TMEM87A: variants seen among roughly 807,000 people sequenced by gnomAD.
TMEM87A encodes the protein Golgi-pH regulating cation channel.
A neutral mutation model predicts 90.0 loss-of-function variants in TMEM87A; 50 were observed. That is an observed-to-expected ratio of 0.56 (90% CI 0.44 to 0.70). The LOEUF is 0.70. Among genes scored for constraint, TMEM87A ranks in the 30% least tolerant of loss-of-function variants. The pLI is 0.00. For missense variants in TMEM87A, 577 were observed against 660.5 expected, an observed-to-expected ratio of 0.87 and a Z score of 1.39; for synonymous variants, 226 against 226.7, an observed-to-expected ratio of 1.00 and a Z score of 0.03.
chr15:42,264,699 A>ATATATATATATATATATATTTT (rs10681614), intron 3 of TMEM87A, among the ~76,000 whole-genome samples: 5 of 109,436 alleles, frequency 4.6e-5, no homozygotes, highest in African/African-American at 1.2e-4. Flanking sequence ...ATATATATAT[A>ATATATATATATATATATATTTT]TTTTTTTTTT....
chr15:42,252,854 T>C (rs2051111046), intron 6 of TMEM87A, among the ~76,000 whole-genome samples: 1 of 152,246 alleles, frequency 6.6e-6, no homozygotes, highest in Non-Finnish European at 1.5e-5. Flanking sequence ...TTTCTGTGCA[T>C]GCCTCATAAT....
intron 3 of TMEM87A, among the ~76,000 whole-genome samples, chr15:42,267,577 A>G (rs1267478584): frequency 6.6e-6 from 1 of 152,230 alleles, no homozygotes; most frequent in Non-Finnish European, 1.5e-5. Context: ...AATTTACAAA[A>G]ATACAAAACA....
chr15:42,246,018 C>T (rs1053541491), intron 6 of TMEM87A, among the ~76,000 whole-genome samples: 4 of 152,144 alleles, frequency 2.6e-5, no homozygotes, highest in African/African-American at 9.7e-5. Context: ...TTTCATCAAC[C>T]GAAATGGAGA....
At chr15:42,225,593 C>T (rs1678991) in intron 15 of TMEM87A, among the ~76,000 whole-genome samples, 2 of 151,996 alleles carry the variant, frequency 1.3e-5, no homozygotes, top group African/African-American at 2.4e-5. Context: ...AGTGCAGTGG[C>T]GCCATCTCGC....
At chr15:42,244,213 GAGCACAA>G in intron 6 of TMEM87A, 46 bp from the exon 7 acceptor site, 2 of 1,331,638 alleles carry the variant, frequency 1.5e-6, no homozygotes, top group Non-Finnish European at 2.1e-6. Flanking sequence ...TAAGAATTAA[GAGCACAA>G]ATTAATAATA....
intron 15 of TMEM87A, among the ~76,000 whole-genome samples, chr15:42,225,735 T>C (rs1015317649): frequency 2.0e-5 from 3 of 152,144 alleles, no homozygotes; most frequent in Non-Finnish European, 4.4e-5. Flanking sequence ...TTTTGCCATG[T>C]TGGCCGAAAC....
At chr15:42,229,490 G>C (rs1409800341) in intron 12 of TMEM87A, among the ~76,000 whole-genome samples, 1 of 151,892 alleles carries the variant, frequency 6.6e-6, no homozygotes, top group Non-Finnish European at 1.5e-5. Context: ...TAACAGGCAA[G>C]GGACAAAGAG....
Position 42,237,532 on chromosome 15 carries a change from CAGG to C in TMEM87A, c.765_767del (p.Leu256del), listed in dbSNP as rs1448661931. ...CAGCACCAATCCAAAACTGAATTCT[CAGG>C]AGATCTCTCCAGTAGCAGGCAGACC... On this transcript the variant is annotated inframe_deletion, in exon 9 of 20. Transcript: ENST00000389834. 1 of 1,614,002 alleles carries C rather than the reference CAGG, an allele frequency of 6.2e-7. No individual in the cohort carries two copies. The highest frequency in any genetic ancestry group is 8.5e-7 in the Non-Finnish European group (1 of 1,180,044).
At position 42,264,202 on chromosome 15, in the gene TMEM87A, G is replaced by A. The variant is rs1489049374; in HGVS notation, c.293C>T (p.Ala98Val). 2 of 1,606,966 alleles carry A rather than the reference G, an allele frequency of 1.2e-6. No individual in the cohort carries two copies. The highest frequency in any genetic ancestry group is 2.7e-5 in the African/African-American group (2 of 74,604). The change falls in exon 4 of 20, where the codon GCA becomes GTA. Residue 98 changes from alanine (A) to valine (V), a missense_variant and splice_region_variant. Transcript: ENST00000389834. The stretch of plus-strand genomic sequence containing the variant: ...TTCCAAATACAACTCTACTTCTTCT[G>A]CCTGGAAAAAGAGATAATACAGAGT... ...DCYNEIYNFK[A>V]EEVELYLEKL...
intron 2 of TMEM87A, among the ~76,000 whole-genome samples, chr15:42,268,566 G>C (rs2051451228): frequency 6.6e-6 from 1 of 152,024 alleles, no homozygotes; most frequent in Non-Finnish European, 1.5e-5. Flanking sequence ...ACTCAGGCAA[G>C]GGAGGCAGGA....
chr15:42,265,779 A>C (rs1419320298), intron 3 of TMEM87A, among the ~76,000 whole-genome samples: 1 of 152,172 alleles, frequency 6.6e-6, no homozygotes, highest in African/African-American at 2.4e-5. Flanking sequence ...TCATCATGAA[A>C]TCTTTGCCAC....
chr15:42,263,034 CAAT>C (rs1331772016), intron 4 of TMEM87A, among the ~76,000 whole-genome samples: 2 of 152,170 alleles, frequency 1.3e-5, no homozygotes, highest in Non-Finnish European at 2.9e-5. Context: ...AACTCTAAGA[CAAT>C]GATGATACCC....
chr15:42,242,515 G>A (rs1002470403), intron 7 of TMEM87A, among the ~76,000 whole-genome samples: 1 of 70,438 alleles, frequency 1.4e-5, no homozygotes, highest in East Asian at 5.7e-4. Context: ...GTATGAGTGA[G>A]GGGGAGAGGG....
chr15:42,251,376 G>A (rs1446835676), intron 6 of TMEM87A, among the ~76,000 whole-genome samples: 1 of 152,196 alleles, frequency 6.6e-6, no homozygotes, highest in Non-Finnish European at 1.5e-5. Context: ...CATCTTTGTG[G>A]TTTTATCTAC....
chr15:42,218,483 A>G (rs1387959902), intron 17 of TMEM87A, 105 bp from the exon 18 acceptor site: 1 of 1,051,454 alleles, frequency 9.5e-7, no homozygotes. Context: ...CTGTAGTCAT[A>G]CATTCACAAA....
At chr15:42,236,984 T>C (rs924434127) in intron 9 of TMEM87A, among the ~76,000 whole-genome samples, 3 of 152,366 alleles carry the variant, frequency 2.0e-5, no homozygotes, top group African/African-American at 7.2e-5. Context: ...TTCACCTTAC[T>C]AAACCATAAG....
chr15:42,262,959 G>T (rs1292630581), intron 4 of TMEM87A, among the ~76,000 whole-genome samples: 20 of 152,108 alleles, frequency 1.3e-4, no homozygotes, highest in Admixed American at 1.3e-3. Context: ...TTGCATATGT[G>T]TAAGCACGAA....
At chr15:42,213,514 A>G (rs886975878) in intron 19 of TMEM87A, among the ~76,000 whole-genome samples, 1 of 152,202 alleles carries the variant, frequency 6.6e-6, no homozygotes, top group Non-Finnish European at 1.5e-5. Context: ...AGATGGGACC[A>G]GTATATTTTA....
At chr15:42,234,968 C>T (rs1007367864) in intron 10 of TMEM87A, among the ~76,000 whole-genome samples, 27 of 152,278 alleles carry the variant, frequency 1.8e-4, no homozygotes, top group African/African-American at 6.3e-4. Flanking sequence ...TTCAAGGGCC[C>T]AGCCCTTGGA....
Sources: gnomAD v4.1 joint callset for allele counts (sites outside exome capture counted in the v4.1 genomes callset) on GRCh38, gnomAD v4.1.1 for gene constraint, MANE v1.5 for transcripts, NCBI Gene and HGNC (gene_info 2026-07-23, HGNC 2026-07-21) for gene names.